MUC20: variants seen among roughly 807,000 people sequenced by gnomAD.
MUC20 encodes mucin 20, cell surface associated, also known as mucin-20.
Under a neutral mutation model 23.8 loss-of-function variants are expected in MUC20, and 14 were observed. The observed-to-expected ratio is 0.59, with a 90% CI of 0.39 to 0.92. MUC20 has a LOEUF of 0.92. Among genes scored for constraint, MUC20 ranks in the 40% least tolerant of loss-of-function variants. The probability of loss-of-function intolerance (pLI) is 0.00; values close to 1 mark genes in which losing one functional copy is unlikely to be tolerated. For synonymous variants in MUC20, 166 were observed against 279.3 expected, an observed-to-expected ratio of 0.59 and a Z score of 4.04; for missense variants, 375 against 668.8, an observed-to-expected ratio of 0.56 and a Z score of 4.85.
intron 3 of MUC20, 110 bp from the exon 4 acceptor site, chr3:195,733,040 G>T: frequency 8.3e-7 from 1 of 1,204,984 alleles, no homozygotes; most frequent in Non-Finnish European, 1.2e-6. Context: ...CCCAGGAAGG[G>T]TTGCCGTCCT....
In MUC20 at chr3:195,729,633, G is replaced by A. The variant is rs1204123595; in HGVS notation, c.1970-15G>A. On this transcript the variant is annotated splice_polypyrimidine_tract_variant and intron_variant, in intron 2 of 3. Coordinates refer to ENST00000447234, the MANE Select transcript of MUC20 (RefSeq NM_001282506.2). ...GCCCAGCCCTGATTTTCATCTTACT[G>A]TTCTCCATTTGCAGGTGAAAATGGA... is the stretch of plus-strand genomic sequence containing the variant. The A allele has an allele frequency of 6.4e-7, 1 of 1,565,302 alleles. No homozygotes were observed. The highest frequency in any genetic ancestry group is 1.9e-5 in the Admixed American group (1 of 53,360).
chr3:195,723,203 G>A (rs1186629638), intron 1 of MUC20, among the ~76,000 whole-genome samples: 3 of 147,222 alleles, frequency 2.0e-5, no homozygotes, highest in African/African-American at 7.6e-5. Context: ...AGCTGCAACC[G>A]AGGCTCTTGA....
In MUC20 at chr3:195,726,164, G is replaced by A. The variant is rs376059301; in HGVS notation, c.1561G>A (p.Ala521Thr). ...ACCCGGGGCCACGACCCTCAGTGGA[G>A]CTCTGGTCACAGTTAGCAGGAATCC... ...TAPGATTLSG[A>T]LVTVSRNPLE... is the part of the protein sequence containing the mutation. The change falls in exon 2 of 4, where the codon GCT (alanine) becomes ACT (threonine). Residue 521 changes from alanine (A) to threonine (T), a missense_variant. Physicochemically the swap from Ala to Thr is moderately conservative, Grantham distance 58 (BLOSUM62 0). This residue lies in a region of MUC20 where 343 missense variants were observed against 340.2 expected (regional missense o/e 1.01). Transcript: ENST00000447234. The A allele has an allele frequency of 1.2e-5, 19 of 1,608,950 alleles. 1 individual carries two copies. Among genetic ancestry groups the A allele is most frequent in the Non-Finnish European group, 1.6e-5 (19 of 1,176,118 alleles).
chr3:195,732,123 C>T (rs1713454820), intron 3 of MUC20, among the ~76,000 whole-genome samples: 1 of 152,158 alleles, frequency 6.6e-6, no homozygotes, highest in African/African-American at 2.4e-5. Flanking sequence ...CCTGCCTCAA[C>T]CTTCTGAGTA....
intron 2 of MUC20, among the ~76,000 whole-genome samples, chr3:195,728,462 C>T (rs1195103359): frequency 6.6e-6 from 1 of 152,286 alleles, no homozygotes; most frequent in Non-Finnish European, 1.5e-5. Context: ...CCAAACATCT[C>T]AGCAGAGTAA....
Position 195,725,984 on chromosome 3 carries a change from C to A in MUC20, c.1381C>A (p.Leu461Met). The A allele has an allele frequency of 6.2e-7, 1 of 1,613,990 alleles. No individual in the cohort carries two copies. The highest frequency in any genetic ancestry group is 8.5e-7 in the Non-Finnish European group (1 of 1,179,872). The change falls in exon 2 of 4, where the codon CTG becomes ATG. Residue 461 changes from leucine (L) to methionine (M), a missense_variant. Around this residue, in one of 4 missense-constraint regions of MUC20, gnomAD observed 343 missense variants for 340.2 expected, o/e 1.01. Transcript: ENST00000447234. ...CTCGTCCACCTCCGATCCACCAGCT[C>A]TGCCTGACTCCACTGAAGCAAAACC... ...KASSTSDPPA[L>M]PDSTEAKPHI...
chr3:195,729,584 G>A (rs1028776096), intron 2 of MUC20, 64 bp from the exon 3 acceptor site: 2 of 1,464,512 alleles, frequency 1.4e-6, no homozygotes. Context: ...CCAAAGTGCT[G>A]GGATGACAGG....
At chr3:195,723,229 T>A (rs1712331103) in intron 1 of MUC20, among the ~76,000 whole-genome samples, 1 of 132,086 alleles carries the variant, frequency 7.6e-6, no homozygotes, top group Non-Finnish European at 1.6e-5. Context: ...GCGTCGTCAT[T>A]CCCTGAGGTC....
In MUC20 at chr3:195,726,575, A is replaced by G. The variant is rs879019409; in HGVS notation, c.1969+3A>G. 4.4e-6 allele frequency: 7 copies of G among 1,605,370 alleles called. No homozygotes were observed. Among genetic ancestry groups the G allele is most frequent in the Non-Finnish European group, 6.0e-6 (7 of 1,173,940 alleles). ...GCCGACCACAGACGTGAGTGCAGGTAAGTGGCTCCTGCTGGTGATCTTCGG... is the reference window on the plus strand; with the variant it reads ...GCCGACCACAGACGTGAGTGCAGGTGAGTGGCTCCTGCTGGTGATCTTCGG... On this transcript the variant is annotated splice_donor_region_variant and intron_variant, in intron 2 of 3. Coordinates refer to ENST00000447234, the MANE Select transcript of MUC20 (RefSeq NM_001282506.2).
intron 2 of MUC20, among the ~76,000 whole-genome samples, chr3:195,727,511 T>A (rs114617837): frequency 6.6e-6 from 1 of 152,232 alleles, no homozygotes; most frequent in Non-Finnish European, 1.5e-5. Context: ...CTGGTCAGCC[T>A]GTAGCCTCCA....
chr3:195,730,916 G>A (rs57998602), intron 3 of MUC20, among the ~76,000 whole-genome samples: 8,350 of 151,496 alleles, frequency 0.055, 382 homozygotes, highest in African/African-American at 0.19. Flanking sequence ...TTTTGAGGAT[G>A]GGGATGGTGT....
chr3:195,731,114 C>T (rs926171599), intron 3 of MUC20, among the ~76,000 whole-genome samples: 2 of 152,224 alleles, frequency 1.3e-5, no homozygotes, highest in Non-Finnish European at 2.9e-5. Flanking sequence ...TGGATTGCCT[C>T]TTTGACAGTG....
At chr3:195,722,775 A>T (rs1321045903) in intron 1 of MUC20, 11 of 985,130 alleles carry the variant, frequency 1.1e-5, no homozygotes, top group Middle Eastern at 1.0e-3. Flanking sequence ...TGAAGTGGGG[A>T]GAAGAAACTG....
Position 195,733,268 on chromosome 3 carries a change from G to A in MUC20, c.*50G>A. On this transcript the variant is annotated 3_prime_UTR_variant, in exon 4 of 4. Transcript: ENST00000447234. ...GTCCCGTATGCCAAAAGAGGGTGCTGCCCCTAGCCTGGGCCCCCACCGACA... is the reference window on the plus strand; with the variant it reads ...GTCCCGTATGCCAAAAGAGGGTGCTACCCCTAGCCTGGGCCCCCACCGACA... The A allele has an allele frequency of 6.4e-7, 1 of 1,558,310 alleles. No individual in the cohort carries two copies.
At chr3:195,730,065 C>A in intron 3 of MUC20, 2 of 187,770 alleles carry the variant, frequency 1.1e-5, no homozygotes, top group Non-Finnish European at 2.0e-5. Context: ...CTCTTGGTTG[C>A]AAGTGGCAGA....
chr3:195,729,406 T>A, intron 2 of MUC20: 1 of 376,602 alleles, frequency 2.7e-6, no homozygotes. Flanking sequence ...AACCTCCGCC[T>A]CCCAGGTTCA....
At position 195,733,082 on chromosome 3, in the gene MUC20, G is replaced by C; in HGVS notation, c.2062-68G>C. On this transcript the variant is annotated intron_variant, in intron 3 of 3. Transcript: ENST00000447234. Reference sequence around the variant, plus strand: ...GCACTCTGCCCCAGTGTCCCTTCCTGTCCTCTGCCTCTGGCGAGCTCATGG... The same window carrying C: ...GCACTCTGCCCCAGTGTCCCTTCCTCTCCTCTGCCTCTGGCGAGCTCATGG... 4 of 1,516,326 alleles carry C rather than the reference G, an allele frequency of 2.6e-6. No individual in the cohort carries two copies. The South Asian group carries it at 3.6e-5, about 14-fold the overall frequency. 93.9% of individuals were successfully genotyped at this position (1,516,326 alleles called of 1,614,324 possible). A position where few individuals can be genotyped will look rare whatever the true frequency, so the allele number is the denominator to read the frequency against.
intron 2 of MUC20, 25 bp from the exon 3 acceptor site, chr3:195,729,623 T>C (rs1264698670): frequency 3.2e-6 from 5 of 1,558,928 alleles, no homozygotes; most frequent in Non-Finnish European, 4.3e-6. Flanking sequence ...GCCCTGATTT[T>C]CATCTTACTG....
intron 3 of MUC20, among the ~76,000 whole-genome samples, chr3:195,732,649 C>G (rs144673461): frequency 2.0e-5 from 3 of 151,822 alleles, no homozygotes; most frequent in African/African-American, 7.2e-5. Context: ...CGTGAGCCAC[C>G]GCACCCGGCC....
Sources: allele counts gnomAD v4.1 joint callset (sites outside exome capture counted in the v4.1 genomes callset), GRCh38; gene constraint gnomAD v4.1.1; regional missense constraint gnomAD v4.1.1; transcripts MANE v1.5; gene names NCBI Gene and HGNC (gene_info 2026-07-23, HGNC 2026-07-21).